Variants in FBLN5 observed in about 807,000 individuals in gnomAD.
The protein encoded by FBLN5 is fibulin-5.
In FBLN5, 24 loss-of-function variants were observed where a neutral mutation model predicts 61.6. That is an observed-to-expected ratio of 0.39 (90% CI 0.28 to 0.55). FBLN5 has a LOEUF of 0.55. FBLN5 is among the 20% of genes least tolerant of loss of function. The pLI is 0.65. For missense variants in FBLN5, 470 were observed against 594.1 expected, an observed-to-expected ratio of 0.79 and a Z score of 2.17; for synonymous variants, 213 against 219.8, an observed-to-expected ratio of 0.97 and a Z score of 0.27.
intron 4 of FBLN5, among the ~76,000 whole-genome samples, chr14:91,908,139 G>A (rs538017434): frequency 1.3e-5 from 2 of 152,138 alleles, no homozygotes; most frequent in South Asian, 2.1e-4. Flanking sequence ...AACAACTGAC[G>A]CAATGTACTT....
chr14:91,936,926 A>G, intron 4 of FBLN5, 21 bp downstream of exon 4: 1 of 1,614,132 alleles, frequency 6.2e-7, no homozygotes, highest in African/African-American at 1.3e-5. Flanking sequence ...GCGGAGAGGA[A>G]CAAAAGGCCG....
At chr14:91,942,825 A>G (rs2056126875) in intron 2 of FBLN5, 82 bp downstream of exon 2, 6 of 871,266 alleles carry the variant, frequency 6.9e-6, no homozygotes, top group Admixed American at 2.0e-5. Flanking sequence ...CCACAAACCT[A>G]GGGTTCCGTA....
intron 6 of FBLN5, among the ~76,000 whole-genome samples, chr14:91,889,355 A>G (rs1889880127): frequency 1.3e-5 from 2 of 152,168 alleles, no homozygotes; most frequent in South Asian, 2.1e-4. Flanking sequence ...GAGCAGGGCG[A>G]CCAAAATGAT....
At chr14:91,877,013 CTT>C (rs763945183) in intron 10 of FBLN5, among the ~76,000 whole-genome samples, 1 of 148,994 alleles carries the variant, frequency 6.7e-6, no homozygotes, top group Non-Finnish European at 1.5e-5. Flanking sequence ...GACCGGCTAA[CTT>C]TTTTTTTTGT....
intron 4 of FBLN5, among the ~76,000 whole-genome samples, chr14:91,899,756 G>T (rs985051112): frequency 2.0e-5 from 3 of 152,212 alleles, no homozygotes; most frequent in Admixed American, 2.0e-4. Flanking sequence ...TAAGCTTTAC[G>T]TGGGCAGATA....
intron 10 of FBLN5, 108 bp downstream of exon 10, chr14:91,877,379 A>G (rs1889215730): frequency 2.2e-6 from 2 of 903,530 alleles, no homozygotes; most frequent in African/African-American, 3.3e-5. Flanking sequence ...CTCTCTGCCT[A>G]CCTGTCCCCC....
chr14:91,947,393 G>A lies in FBLN5; in HGVS notation c.-164C>T, dbSNP rs1427357001. On this transcript the variant is annotated 5_prime_UTR_variant, in exon 1 of 11. Transcript: ENST00000342058. This position sits in a 1 kb window ranked among gnomAD's most constrained non-coding sequence, Gnocchi z 4.3. ...GTGGAGAGGACACGGGGAGAGCGCCGGGGTCCTCCCAGCCACTGCAGAGCC... is the reference window on the plus strand; with the variant it reads ...GTGGAGAGGACACGGGGAGAGCGCCAGGGTCCTCCCAGCCACTGCAGAGCC... The A allele has an allele frequency of 2.6e-6, 2 of 771,690 alleles. No homozygotes were observed. Among genetic ancestry groups the A allele is most frequent in the Non-Finnish European group, 4.5e-6 (2 of 444,204 alleles). 47.8% of individuals were successfully genotyped at this position (771,690 alleles called of 1,614,324 possible).
chr14:91,880,157 C>G (rs1889352915), intron 9 of FBLN5, among the ~76,000 whole-genome samples: 1 of 152,166 alleles, frequency 6.6e-6, no homozygotes, highest in African/African-American at 2.4e-5. Context: ...AGAGAACTCT[C>G]CAGCACCTCA....
At position 91,946,870 on chromosome 14, in the gene FBLN5, C is replaced by T. The variant is rs1012058874; in HGVS notation, c.17+343G>A. 9.4e-6 allele frequency: 14 copies of T among 1,485,926 alleles called. No individual in the cohort carries two copies. In the Admixed American group the frequency reaches 1.3e-4, roughly 13 times the overall value. The allele number at this position is 1,485,926 out of a possible 1,614,324, so 92.0% of individuals were successfully genotyped here. A position where few individuals can be genotyped will look rare whatever the true frequency, so the allele number is the denominator to read the frequency against. The stretch of plus-strand genomic sequence containing the variant: ...TAATTGCTAGTGAACTAGTAATTGG[C>T]CTCCCGAAATTTAAAAAATACATAC... On this transcript the variant is annotated intron_variant, in intron 1 of 10. Transcript: ENST00000342058.
chr14:91,938,298 A>C (rs1687804673), intron 3 of FBLN5: 1 of 171,338 alleles, frequency 5.8e-6, no homozygotes, highest in Non-Finnish European at 1.3e-5. Context: ...TCTACTAAAT[A>C]CCAAAAATTA....
At chr14:91,937,508 T>C (rs1169785992) in intron 3 of FBLN5, among the ~76,000 whole-genome samples, 1 of 152,082 alleles carries the variant, frequency 6.6e-6, no homozygotes, top group African/African-American at 2.4e-5. Flanking sequence ...CAATATTGAG[T>C]GGTGGGGCCT....
At chr14:91,913,340 G>A (rs937561214) in intron 4 of FBLN5, among the ~76,000 whole-genome samples, 8 of 152,174 alleles carry the variant, frequency 5.3e-5, no homozygotes, top group African/African-American at 1.9e-4. Flanking sequence ...CACCTAAAAT[G>A]TATTAATAGA....
intron 4 of FBLN5, among the ~76,000 whole-genome samples, chr14:91,928,098 G>A (rs868264502): frequency 6.6e-6 from 1 of 152,224 alleles, no homozygotes; most frequent in Non-Finnish European, 1.5e-5. Flanking sequence ...CACTGAGGGT[G>A]GAAGGGACTT....
At chr14:91,928,679 G>A (rs2055871019) in intron 4 of FBLN5, among the ~76,000 whole-genome samples, 1 of 151,974 alleles carries the variant, frequency 6.6e-6, no homozygotes, top group African/African-American at 2.4e-5. Context: ...GGCTGAGATG[G>A]GAGGGTCACT....
intron 5 of FBLN5, among the ~76,000 whole-genome samples, chr14:91,893,598 C>T (rs1890086762): frequency 2.0e-5 from 3 of 152,166 alleles, no homozygotes; most frequent in African/African-American, 4.8e-5. Flanking sequence ...ACTGGCAGGG[C>T]CTTTTCTAGA....
rs546353880 is a variant in FBLN5, at chr14:91,906,330, C to T, written c.380-11258G>A. Among the ~76,000 whole-genome samples the T allele has an allele frequency of 4.6e-5, 7 of 152,212 alleles. No individual in the cohort carries two copies. The East Asian group carries it at 7.8e-4, about 17-fold the overall frequency. On this transcript the variant is annotated intron_variant, in intron 4 of 10. Transcript: ENST00000342058. ...GTAGCAGAAAATAGTGTGGAGGCTA[C>T]GACCCAACAGGAACTGGAAGCCCAG...
At chr14:91,921,488 C>A (rs1231062945) in intron 4 of FBLN5, among the ~76,000 whole-genome samples, 1 of 152,188 alleles carries the variant, frequency 6.6e-6, no homozygotes, top group East Asian at 1.9e-4. Flanking sequence ...TAAAAAGCCA[C>A]CAATCAGTGG....
intron 4 of FBLN5, among the ~76,000 whole-genome samples, chr14:91,897,080 T>C (rs1312202816): frequency 1.3e-5 from 2 of 152,048 alleles, no homozygotes; most frequent in African/African-American, 4.8e-5. Flanking sequence ...GACAGCTGTC[T>C]GGGAATCCTA....
chr14:91,937,198 A>G lies in FBLN5; in HGVS notation c.128T>C (p.Ile43Thr), dbSNP rs901025258. 5.0e-6 allele frequency: 8 copies of G among 1,614,004 alleles called. No individual in the cohort carries two copies. The highest frequency in any genetic ancestry group is 3.3e-5 in the Admixed American group (2 of 59,998). ...LDRQSGQCLDIDECRTIPEAC... is the reference protein window; with the variant it reads ...LDRQSGQCLDTDECRTIPEAC... ...CTCGGGGATGGTTCGGCATTCATCA[A>G]TATCTGAAAGGCACAGAAAGGGCGA... The change falls in exon 4 of 11, where the codon ATT (isoleucine) becomes ACT (threonine). Residue 43 changes from isoleucine to threonine, a missense_variant. Physicochemically the swap from Ile to Thr is moderately conservative, Grantham distance 89. Transcript: ENST00000342058.
Sources: allele counts gnomAD v4.1 joint callset (sites outside exome capture counted in the v4.1 genomes callset), GRCh38; gene constraint gnomAD v4.1.1; non-coding constraint Gnocchi (gnomAD v3.1); transcripts MANE v1.5; gene names NCBI Gene and HGNC (gene_info 2026-07-23, HGNC 2026-07-21).